The following ASTN2 variants were observed in gnomAD, a reference collection of about 807,000 sequenced individuals.
ASTN2 encodes astrotactin-2.
Under a neutral mutation model 139.8 loss-of-function variants are expected in ASTN2, and 54 were observed. The ratio of observed to expected loss-of-function variants is 0.39; its 90% CI spans 0.31 to 0.48. The LOEUF is 0.48. Among genes scored for constraint, ASTN2 ranks in the 20% least tolerant of loss-of-function variants. The probability of loss-of-function intolerance (pLI) is 0.95; values close to 1 mark genes in which losing one functional copy is unlikely to be tolerated. For missense variants in ASTN2, 1,565 were observed against 1,725.1 expected (o/e 0.91, Z 1.64); for synonymous variants, 756 against 719.5 (o/e 1.05, Z -0.81).
intron 16 of ASTN2, among the ~76,000 whole-genome samples, chr9:116,671,066 C>T (rs534696622): frequency 2.6e-5 from 4 of 152,208 alleles, no homozygotes; most frequent in Admixed American, 2.6e-4. Context: ...TCTGTCAACT[C>T]TTAGGTAGGC....
Position 117,329,262 on chromosome 9 carries a change from A to AT in ASTN2, c.443-37750dup, listed in dbSNP as rs200535911. ...TACCCTTTAAAATAATTGAAACAAG[A>AT]TTTTTTTTGAAAACACAGGTATGAG... On this transcript the variant is annotated intron_variant, in intron 1 of 22. Transcript: ENST00000313400. Among the ~76,000 whole-genome samples, 493 of 139,488 alleles carry AT rather than the reference A, an allele frequency of 3.5e-3. 5 individuals carry two copies. The highest frequency in any genetic ancestry group is 6.5e-3 in the African/African-American group (243 of 37,162). The allele number at this position is 139,488 out of a possible 152,430, so 91.5% of individuals were successfully genotyped here.
chr9:116,518,544 A>G (rs1048185222), intron 19 of ASTN2, among the ~76,000 whole-genome samples: 2 of 152,142 alleles, frequency 1.3e-5, no homozygotes, highest in Non-Finnish European at 2.9e-5. Context: ...AAATACACCA[A>G]AATAGAACCT....
chr9:117,215,107 C>T (rs1036692299), intron 2 of ASTN2, among the ~76,000 whole-genome samples: 4 of 152,102 alleles, frequency 2.6e-5, no homozygotes, highest in African/African-American at 4.8e-5. Context: ...GTCAGTGCTG[C>T]GGCTTCACAC....
intron 11 of ASTN2, among the ~76,000 whole-genome samples, chr9:116,843,329 G>A (rs1451280263): frequency 2.0e-5 from 3 of 152,174 alleles, no homozygotes. Context: ...ATTAACACAG[G>A]AAGAGAAAAC....
At chr9:117,334,152 A>G (rs1320933133) in intron 1 of ASTN2, among the ~76,000 whole-genome samples, 3 of 152,166 alleles carry the variant, frequency 2.0e-5, no homozygotes, top group Non-Finnish European at 4.4e-5. Context: ...CTATTTTCCA[A>G]TAAAATCAGT....
rs111710831 is a variant in ASTN2 at position 117,025,798 on chromosome 9, C to CTTTT, written c.1423+14017_1423+14020dup. 3.5e-5 allele frequency among the ~76,000 whole-genome samples: 5 copies of CTTTT among 144,448 alleles called. No homozygotes were observed. In the South Asian group the frequency reaches 1.1e-3, roughly 31 times the overall value. 94.8% of individuals were successfully genotyped at this position (144,448 alleles called of 152,430 possible). A position where few individuals can be genotyped will look rare whatever the true frequency, so the allele number is the denominator to read the frequency against. On this transcript the variant is annotated intron_variant, in intron 6 of 22. Transcript: ENST00000313400. ...TGGTTTTTCTTTTTTCTTTTCTTTT[C>CTTTT]TTTTTTTTTTTTTGACAGAGTCTCG...
intron 16 of ASTN2, among the ~76,000 whole-genome samples, chr9:116,717,727 A>G (rs972352627): frequency 2.6e-5 from 4 of 152,222 alleles, no homozygotes; most frequent in Non-Finnish European, 5.9e-5. Flanking sequence ...ATCTGAGTTC[A>G]AAGTCAGTGC....
At chr9:117,061,476 T>C (rs539094053) in intron 5 of ASTN2, among the ~76,000 whole-genome samples, 6 of 139,100 alleles carry the variant, frequency 4.3e-5, no homozygotes, top group Non-Finnish European at 9.5e-5. Context: ...TTTTATTATA[T>C]CAAACTTTTA....
intron 13 of ASTN2, among the ~76,000 whole-genome samples, chr9:116,766,448 ACATT>A (rs1241188282): frequency 3.9e-5 from 6 of 151,964 alleles, no homozygotes; most frequent in African/African-American, 1.5e-4. Context: ...ATAAACACAC[ACATT>A]CATACTCACA....
chr9:116,974,043 G>A (rs1002994848), intron 10 of ASTN2, among the ~76,000 whole-genome samples: 11 of 152,172 alleles, frequency 7.2e-5, no homozygotes, highest in Non-Finnish European at 1.6e-4. Context: ...CAACTATGGA[G>A]CTGTTGAAAA....
At chr9:116,690,533 C>G (rs541767264) in intron 16 of ASTN2, among the ~76,000 whole-genome samples, 1 of 152,300 alleles carries the variant, frequency 6.6e-6, no homozygotes, top group Admixed American at 6.5e-5. Context: ...TGATGTGTAA[C>G]CTTTGTGACA....
intron 20 of ASTN2, among the ~76,000 whole-genome samples, chr9:116,485,370 G>A (rs1395974968): frequency 1.3e-5 from 2 of 152,200 alleles, no homozygotes; most frequent in African/African-American, 2.4e-5. Context: ...ACCCTAAGGA[G>A]GGGAGAAACC....
intron 11 of ASTN2, among the ~76,000 whole-genome samples, chr9:116,848,372 T>C (rs1422386211): frequency 2.6e-5 from 4 of 152,184 alleles, no homozygotes; most frequent in Non-Finnish European, 5.9e-5. Context: ...TATTGTGACA[T>C]TGCCTGAGCA....
At chr9:116,887,460 G>A (rs1357649487) in intron 10 of ASTN2, among the ~76,000 whole-genome samples, 3 of 151,658 alleles carry the variant, frequency 2.0e-5, no homozygotes, top group African/African-American at 7.3e-5. Context: ...GGAAAAAAAC[G>A]TGTTACAAGC....
At chr9:116,901,670 G>GGTTTA (rs1834014899) in intron 10 of ASTN2, among the ~76,000 whole-genome samples, 1 of 152,158 alleles carries the variant, frequency 6.6e-6, no homozygotes, top group East Asian at 1.9e-4. Flanking sequence ...CTATGTTACT[G>GGTTTA]GTTTATGTAT....
chr9:117,000,678 A>G (rs546881689), intron 7 of ASTN2, among the ~76,000 whole-genome samples: 1 of 144,220 alleles, frequency 6.9e-6, no homozygotes, highest in African/African-American at 2.4e-5. Flanking sequence ...GAAGGAGCAT[A>G]ATGTCACTCT....
chr9:117,140,909 G>A (rs1298187518), intron 4 of ASTN2, among the ~76,000 whole-genome samples: 2 of 152,126 alleles, frequency 1.3e-5, no homozygotes, highest in African/African-American at 4.8e-5. Flanking sequence ...TGATCATTCT[G>A]TTATTCAGCC....
At chr9:117,373,740 G>T in intron 1 of ASTN2, among the ~76,000 whole-genome samples, 1 of 152,092 alleles carries the variant, frequency 6.6e-6, no homozygotes, top group Admixed American at 6.6e-5. Context: ...TCTGTATTTT[G>T]CCAGAAAAAG....
At chr9:117,353,008 G>A (rs1229462966) in intron 1 of ASTN2, among the ~76,000 whole-genome samples, 3 of 152,130 alleles carry the variant, frequency 2.0e-5, no homozygotes, top group African/African-American at 4.8e-5. Flanking sequence ...AGGGTTGGGA[G>A]GTGCATGGAA....
Sources: gnomAD v4.1 joint callset for allele counts (sites outside exome capture counted in the v4.1 genomes callset) on GRCh38, gnomAD v4.1.1 for gene constraint, MANE v1.5 for transcripts, NCBI Gene and HGNC (gene_info 2026-07-23, HGNC 2026-07-21) for gene names.